ZPBP: variants seen among roughly 807,000 people sequenced by gnomAD.
The protein encoded by ZPBP is zona pellucida-binding protein 1.
A neutral mutation model predicts 44.8 loss-of-function variants in ZPBP; 26 were observed. The ratio of observed to expected loss-of-function variants is 0.58; its 90% confidence interval spans 0.43 to 0.81. The LOEUF is 0.81. Ranked by LOEUF, ZPBP falls within the 30% of genes least tolerant of loss-of-function variation. The pLI is 0.00. For missense variants in ZPBP, 409 were observed against 434.0 expected (o/e 0.94, Z 0.51); for synonymous variants, 174 against 153.2 (o/e 1.14, Z -1.00).
Position 50,058,133 on chromosome 7 carries a change from G to A in ZPBP, c.343C>T (p.Arg115Cys). Residue 115 changes from arginine (R) to cysteine (C), a missense_variant, in exon 4 of 8, where the codon CGC becomes TGC. By Grantham distance (180) the Arg-to-Cys change is radical (BLOSUM62 -3). Transcript: ENST00000046087. ...CCTGTGGATGTTATTTGTGCAGTGC[G>A]GTTTTCTACTAAAGGAATAAGATAC... The part of the protein sequence containing the change: ...PKGKVVSVEN[R>C]TAQITSTGSL... 1.7e-5 allele frequency: 27 copies of A among 1,613,552 alleles called. No individual in the cohort carries two copies. Among genetic ancestry groups the A allele is most frequent in the East Asian group, 2.2e-5 (1 of 44,808 alleles).
intron 2 of ZPBP, among the ~76,000 whole-genome samples, chr7:49,885,961 G>C (rs1163070825): frequency 6.6e-6 from 1 of 152,260 alleles, no homozygotes; most frequent in African/African-American, 2.4e-5. Context: ...CCTGCAAGGG[G>C]AAGTTTGGAG....
At position 50,005,823 on chromosome 7, in the gene ZPBP, A is replaced by G. The variant is rs928877053; in HGVS notation, c.783+12417T>C. 4.6e-4 allele frequency among the ~76,000 whole-genome samples: 66 copies of G among 144,908 alleles called. 1 individual carries two copies. The highest frequency in any genetic ancestry group is 1.2e-3 in the African/African-American group (46 of 38,308). On this transcript the variant is annotated intron_variant, in intron 6 of 7. Coordinates refer to ENST00000046087, the MANE Select transcript of ZPBP (RefSeq NM_007009.3). ...AATGAGTTAAACTTCATAACTATAT[A>G]TGTGTGTGTGTGTGTGTGTGTGTGT...
intron 1 of ZPBP, among the ~76,000 whole-genome samples, chr7:49,904,494 T>C (rs1209493499): frequency 5.9e-5 from 9 of 152,230 alleles, no homozygotes; most frequent in Admixed American, 5.2e-4. Flanking sequence ...AGGGACTTGG[T>C]TGAAACAATC....
chr7:49,903,064 T>A (rs1047224981), intron 1 of ZPBP, among the ~76,000 whole-genome samples: 4 of 152,136 alleles, frequency 2.6e-5, no homozygotes, highest in Non-Finnish European at 5.9e-5. Context: ...ACTTGAGATA[T>A]CACTATACAT....
At chr7:49,967,254 T>C (rs1235589206) in intron 7 of ZPBP, among the ~76,000 whole-genome samples, 1 of 152,232 alleles carries the variant, frequency 6.6e-6, no homozygotes, top group Non-Finnish European at 1.5e-5. Context: ...TCAAAGTTCC[T>C]TGGGATAACT....
intron 2 of ZPBP, among the ~76,000 whole-genome samples, chr7:49,900,142 A>G (rs540190987): frequency 1.3e-5 from 2 of 151,916 alleles, no homozygotes; most frequent in South Asian, 4.1e-4. Context: ...TTTATTTTAA[A>G]CTAAATAAAA....
intron 4 of ZPBP, among the ~76,000 whole-genome samples, chr7:50,044,621 GA>G (rs952542499): frequency 1.2e-4 from 18 of 152,124 alleles, no homozygotes; most frequent in Non-Finnish European, 1.9e-4. Context: ...AAACCAGGAA[GA>G]AATAAAATCC....
At chr7:50,072,331 C>T (rs962251135) in intron 3 of ZPBP, among the ~76,000 whole-genome samples, 4 of 152,164 alleles carry the variant, frequency 2.6e-5, no homozygotes, top group Admixed American at 2.0e-4. Context: ...AGCTCAGCTG[C>T]AATATAATAG....
At chr7:49,867,924 C>T (rs1163869639) in intron 2 of ZPBP, among the ~76,000 whole-genome samples, 1 of 151,752 alleles carries the variant, frequency 6.6e-6, no homozygotes, top group African/African-American at 2.4e-5. Context: ...ATCTCCGCCT[C>T]CCAAGTTCAA....
intron 2 of ZPBP, among the ~76,000 whole-genome samples, chr7:49,852,497 C>A (rs1378624609): frequency 6.6e-6 from 1 of 152,158 alleles, no homozygotes; most frequent in Non-Finnish European, 1.5e-5. Flanking sequence ...CATCTTTAAA[C>A]TAACCTTTAT....
At chr7:49,981,672 A>ATTATATATTC (rs1796971442) in intron 7 of ZPBP, among the ~76,000 whole-genome samples, 5 of 62,138 alleles carry the variant, frequency 8.0e-5, no homozygotes, top group Non-Finnish European at 1.2e-4. Flanking sequence ...TATATATTAT[A>ATTATATATTC]TATTATATAT....
intron 4 of ZPBP, among the ~76,000 whole-genome samples, chr7:50,043,259 G>A (rs1800183390): frequency 6.6e-6 from 1 of 152,148 alleles, no homozygotes. Context: ...ATAAATACGT[G>A]GGTAAAACTC....
chr7:50,054,988 AG>A (rs1238693283), intron 4 of ZPBP, among the ~76,000 whole-genome samples: 1 of 152,176 alleles, frequency 6.6e-6, no homozygotes, highest in Non-Finnish European at 1.5e-5. Flanking sequence ...ACAGCATTAA[AG>A]GGGTTTTAGA....
At chr7:49,844,172 C>T in the ZPBP span, among the ~76,000 whole-genome samples, 3 of 152,154 alleles carry the variant, frequency 2.0e-5, no homozygotes, top group East Asian at 3.9e-4. Context: ...TCTGCTCAGA[C>T]GGGAATCGCA....
At chr7:50,022,014 G>A (rs1310871198) in intron 5 of ZPBP, among the ~76,000 whole-genome samples, 1 of 152,114 alleles carries the variant, frequency 6.6e-6, no homozygotes, top group Non-Finnish European at 1.5e-5. Context: ...AAAAACCACA[G>A]AGGATAGAAG....
chr7:49,906,025 T>A (rs1311006409), intron 1 of ZPBP, among the ~76,000 whole-genome samples: 3 of 152,178 alleles, frequency 2.0e-5, no homozygotes, highest in Admixed American at 6.5e-5. Flanking sequence ...AGAAAACTCA[T>A]AAATAATTGA....
At chr7:49,989,966 T>C (rs1310258747) in intron 6 of ZPBP, among the ~76,000 whole-genome samples, 3 of 152,142 alleles carry the variant, frequency 2.0e-5, no homozygotes, top group Non-Finnish European at 4.4e-5. Flanking sequence ...TCCTTTTCTC[T>C]CCCTTGTTGG....
chr7:49,959,538 G>C (rs1021453046), intron 7 of ZPBP, among the ~76,000 whole-genome samples: 4 of 152,076 alleles, frequency 2.6e-5, no homozygotes, highest in African/African-American at 9.6e-5. Context: ...ACATTCTTAT[G>C]AATAAATCTA....
chr7:50,072,715 A>T (rs1203903938), intron 3 of ZPBP, among the ~76,000 whole-genome samples: 2 of 152,268 alleles, frequency 1.3e-5, no homozygotes, highest in Non-Finnish European at 2.9e-5. Context: ...ATTTTCCTGG[A>T]TCTGGTACAA....
Sources: allele counts gnomAD v4.1 joint callset (sites outside exome capture counted in the v4.1 genomes callset), GRCh38; gene constraint gnomAD v4.1.1; transcripts MANE v1.5; gene names NCBI Gene and HGNC (gene_info 2026-07-23, HGNC 2026-07-21).